Variants in ACTN4 observed in about 807,000 individuals in gnomAD.
ACTN4 encodes the protein alpha-actinin-4.
Under a neutral mutation model 114.2 loss-of-function variants are expected in ACTN4, and 18 were observed. That is an observed-to-expected ratio of 0.16 (90% CI 0.11 to 0.23). The LOEUF (loss-of-function observed/expected upper bound fraction) is 0.23. Among genes scored for constraint, ACTN4 ranks in the 10% least tolerant of loss-of-function variants. The probability of loss-of-function intolerance (pLI) is 1.00; values close to 1 mark genes in which losing one functional copy is unlikely to be tolerated. For synonymous variants in ACTN4, 515 were observed against 506.3 expected (o/e 1.02, Z -0.23); for missense variants, 722 against 1,262.9 (o/e 0.57, Z 6.49).
At chr19:38,656,853 C>G (rs1976727220) in intron 1 of ACTN4, among the ~76,000 whole-genome samples, 1 of 152,286 alleles carries the variant, frequency 6.6e-6, no homozygotes, top group Non-Finnish European at 1.5e-5. Context: ...CATCTTTTCC[C>G]CTCCCTGATG....
chr19:38,686,739 T>C (rs948013100), intron 1 of ACTN4, among the ~76,000 whole-genome samples: 2 of 152,174 alleles, frequency 1.3e-5, no homozygotes, highest in Non-Finnish European at 1.5e-5. Flanking sequence ...GCTCTTCCCC[T>C]TGGGGAGAAC....
chr19:38,678,265 T>G (rs1273430071), intron 1 of ACTN4, among the ~76,000 whole-genome samples: 1 of 152,234 alleles, frequency 6.6e-6, no homozygotes, highest in Non-Finnish European at 1.5e-5. Context: ...TTTTCCTTTT[T>G]GAGACTTCCT....
At position 38,724,174 on chromosome 19, in the gene ACTN4, T is replaced by C; in HGVS notation, c.1710T>C (p.His570=). 6.2e-7 allele frequency: 1 copy of C among 1,613,832 alleles called. No individual in the cohort carries two copies. The highest frequency in any genetic ancestry group is 8.5e-7 in the Non-Finnish European group (1 of 1,180,012). Residue 570 remains histidine (H), a synonymous_variant, in exon 15 of 21, where the codon CAT becomes CAC. Transcript: ENST00000252699. The surrounding 1 kb of genome is among the most constrained non-coding windows in gnomAD (Gnocchi z 7.0). ...TCCCCTAGGGCCTGATCTCAGCCCA[T>C]GACCAGTTCAAGTCCACCCTGCCGG... ...IEEIEGLISA[H]DQFKSTLPDA...
At chr19:38,716,085 A>G (rs377733840) in intron 9 of ACTN4, among the ~76,000 whole-genome samples, 3 of 152,010 alleles carry the variant, frequency 2.0e-5, no homozygotes, top group Non-Finnish European at 4.4e-5. Flanking sequence ...TATTTTTTTT[A>G]GTAGAGATGG....
At chr19:38,720,518 T>A (rs1969004410) in intron 11 of ACTN4, among the ~76,000 whole-genome samples, 2 of 152,348 alleles carry the variant, frequency 1.3e-5, no homozygotes, top group South Asian at 4.1e-4. Flanking sequence ...CTCCCAGGCC[T>A]CCCACTTCTT....
At chr19:38,677,661 C>T (rs1329468427) in intron 1 of ACTN4, among the ~76,000 whole-genome samples, 1 of 151,988 alleles carries the variant, frequency 6.6e-6, no homozygotes, top group Admixed American at 6.6e-5. Flanking sequence ...ACTTCTAGGC[C>T]CAGTGTTCAG....
rs545753650 is a variant in ACTN4 at position 38,699,082 on chromosome 19, C to T, written c.163-1518C>T. Reference sequence around the variant, plus strand: ...GGGGTACAGGGGTTCCTATAAGAAGCAGACACTTGGGGTTTTTCCCAGGTC... The same window carrying T: ...GGGGTACAGGGGTTCCTATAAGAAGTAGACACTTGGGGTTTTTCCCAGGTC... On this transcript the variant is annotated intron_variant, in intron 1 of 20. Transcript: ENST00000252699. Among the ~76,000 whole-genome samples the T allele has an allele frequency of 1.5e-4, 23 of 152,324 alleles. No individual in the cohort carries two copies. In the East Asian group the frequency reaches 4.2e-3, roughly 28 times the overall value.
chr19:38,729,228 AGTGTGTGG>A (rs1004617631), intron 20 of ACTN4, 38 bp from the exon 21 acceptor site: 8 of 1,612,000 alleles, frequency 5.0e-6, no homozygotes, highest in Non-Finnish European at 6.8e-6. Flanking sequence ...TGAGGGGGCC[AGTGTGTGG>A]GTGGGGATGG....
chr19:38,725,642 A>G (rs1313142799), intron 16 of ACTN4, 82 bp from the exon 17 acceptor site: 1 of 1,514,440 alleles, frequency 6.6e-7, no homozygotes, highest in Non-Finnish European at 8.9e-7. Context: ...GATGCAGGCC[A>G]GCAGCGCGAG....
At chr19:38,704,575 A>G (rs1968391330) in intron 3 of ACTN4, among the ~76,000 whole-genome samples, 1 of 152,266 alleles carries the variant, frequency 6.6e-6, no homozygotes, top group Admixed American at 6.5e-5. Context: ...GCAGAAATGT[A>G]CAGAGCACTG....
chr19:38,658,748 A>G (rs1181076017), intron 1 of ACTN4, among the ~76,000 whole-genome samples: 1 of 152,316 alleles, frequency 6.6e-6, no homozygotes, highest in East Asian at 1.9e-4. Context: ...CAGGCTGTCT[A>G]CGAACCAGTC....
At position 38,728,222 on chromosome 19, in the gene ACTN4, G is replaced by C. The variant is rs1969313407; in HGVS notation, c.2418+196G>C. Reference sequence around the variant, plus strand: ...TGGGGCCGCTGTCTCCCTGCTCCCCGCCACTGTCCTGTCTGCCTGCTGTGC... The same window carrying C: ...TGGGGCCGCTGTCTCCCTGCTCCCCCCCACTGTCCTGTCTGCCTGCTGTGC... On this transcript the variant is annotated intron_variant, in intron 19 of 20. Transcript: ENST00000252699. The C allele has an allele frequency of 2.1e-6, 3 of 1,415,420 alleles. No homozygotes were observed. The South Asian group carries it at 3.7e-5, about 18-fold the overall frequency. 87.7% of individuals were successfully genotyped at this position (1,415,420 alleles called of 1,614,324 possible).
intron 11 of ACTN4, among the ~76,000 whole-genome samples, chr19:38,720,410 C>A (rs1007172035): frequency 1.3e-5 from 2 of 152,238 alleles, no homozygotes; most frequent in Admixed American, 6.5e-5. Flanking sequence ...CTGGTTCCTG[C>A]CCCTGGGAGA....
chr19:38,673,551 A>G lies in ACTN4; in HGVS notation c.162+25644A>G, dbSNP rs1258962157. ...TTCATATATACTTATATATATTTATATATACTTATATATATTTATATATAT... is the reference window on the plus strand; with the variant it reads ...TTCATATATACTTATATATATTTATGTATACTTATATATATTTATATATAT... On this transcript the variant is annotated intron_variant, in intron 1 of 20. Coordinates refer to ENST00000252699, the MANE Select transcript of ACTN4 (RefSeq NM_004924.6). 2.6e-3 allele frequency among the ~76,000 whole-genome samples: 261 copies of G among 100,808 alleles called. 9 individuals carry two copies. Among genetic ancestry groups the G allele is most frequent in the Middle Eastern group, 0.012 (3 of 248 alleles). The allele number at this position is 100,808 out of a possible 152,430, so 66.1% of individuals were successfully genotyped here. A position where few individuals can be genotyped will look rare whatever the true frequency, so the allele number is the denominator to read the frequency against.
chr19:38,721,652 G>A lies in ACTN4; in HGVS notation c.1406G>A (p.Arg469His), dbSNP rs1264331949. The A allele has an allele frequency of 5.6e-6, 9 of 1,613,756 alleles. No homozygotes were observed. The highest frequency in any genetic ancestry group is 6.8e-6 in the Non-Finnish European group (8 of 1,180,032). Residue 469 changes from arginine to histidine, a missense_variant, in exon 12 of 21, where the codon CGC (arginine) becomes CAC (histidine). Around this residue, in one of 3 missense-constraint regions of ACTN4, gnomAD observed 523 missense variants for 875.9 expected, o/e 0.60. Coordinates refer to ENST00000252699, the MANE Select transcript of ACTN4 (RefSeq NM_004924.6). ...AGCGACCTGGCTGCGCACCAGGACC[G>A]CGTGGAGCAGATCGCCGCCATTGCC... ...FESDLAAHQD[R>H]VEQIAAIAQE...
intron 1 of ACTN4, among the ~76,000 whole-genome samples, chr19:38,673,475 T>TATATCTTTATATATATTCA (rs1555826087): frequency 1.6e-5 from 1 of 64,246 alleles, no homozygotes; most frequent in African/African-American, 5.3e-5. Flanking sequence ...TTATATATAT[T>TATATCTTTATATATATTCA]TATATATATA....
chr19:38,673,569 A>T lies in ACTN4; in HGVS notation c.162+25662A>T, dbSNP rs1156570916. 5.7e-4 allele frequency among the ~76,000 whole-genome samples: 65 copies of T among 114,754 alleles called. 4 individuals carry two copies. Among genetic ancestry groups the T allele is most frequent in the Non-Finnish European group, 9.4e-4 (56 of 59,864 alleles). The allele number at this position is 114,754 out of a possible 152,430, so 75.3% of individuals were successfully genotyped here. ...TATTTATATATACTTATATATATTTATATATATTCATATATATTTATATAT... is the reference window on the plus strand; with the variant it reads ...TATTTATATATACTTATATATATTTTTATATATTCATATATATTTATATAT... On this transcript the variant is annotated intron_variant, in intron 1 of 20. Coordinates refer to ENST00000252699, the MANE Select transcript of ACTN4 (RefSeq NM_004924.6).
rs34563817 is a variant in ACTN4 at position 38,724,968 on chromosome 19, A to T, written c.2010+403A>T. 1.8e-4 allele frequency among the ~76,000 whole-genome samples: 27 copies of T among 152,242 alleles called. No individual in the cohort carries two copies. The highest frequency in any genetic ancestry group is 6.5e-4 in the African/African-American group (27 of 41,544). On this transcript the variant is annotated intron_variant, in intron 16 of 20. Transcript: ENST00000252699. The surrounding 1 kb of genome is among the most constrained non-coding windows in gnomAD (Gnocchi z 7.0). ...CCCTGTGGTCTCTAGTGGGCTACCT[A>T]TGGGAGGTGGGTTTGATCCCTGAAT... is the stretch of plus-strand genomic sequence containing the variant.
At position 38,727,219 on chromosome 19, in the gene ACTN4, C is replaced by T. The variant is rs1027159539; in HGVS notation, c.2337+116C>T. On this transcript the variant is annotated intron_variant, in intron 18 of 20. Coordinates refer to ENST00000252699, the MANE Select transcript of ACTN4 (RefSeq NM_004924.6). The surrounding 1 kb of genome is among the most constrained non-coding windows in gnomAD (Gnocchi z 5.4). ...ATCACAGTTGCTGAGCGTCGGCCGC[C>T]ACTCCCAGGGCCAGCAGGGCCCTGC... 1 of 1,502,040 alleles carries T rather than the reference C, an allele frequency of 6.7e-7. No homozygotes were observed. Among genetic ancestry groups the T allele is most frequent in the East Asian group, 2.4e-5 (1 of 41,302 alleles). The allele number at this position is 1,502,040 out of a possible 1,614,324, so 93.0% of individuals were successfully genotyped here. A position where few individuals can be genotyped will look rare whatever the true frequency, so the allele number is the denominator to read the frequency against.
Sources: gnomAD v4.1 joint callset for allele counts (sites outside exome capture counted in the v4.1 genomes callset) on GRCh38, gnomAD v4.1.1 for gene constraint, gnomAD v4.1.1 regional missense constraint, Gnocchi (gnomAD v3.1) non-coding constraint, MANE v1.5 for transcripts, NCBI Gene and HGNC (gene_info 2026-07-23, HGNC 2026-07-21) for gene names.